Variants in MSN observed in about 807,000 individuals in gnomAD.
MSN encodes moesin.
In MSN, 2 loss-of-function variants were observed where a neutral mutation model predicts 48.0. The observed-to-expected ratio is 0.04, with a 90% CI of 0.02 to 0.13. The LOEUF is 0.13. MSN is among the 10% of genes least tolerant of loss of function. The pLI is 1.00. For missense variants in MSN, 267 were observed against 470.1 expected, an observed-to-expected ratio of 0.57 and a Z score of 3.99; for synonymous variants, 146 against 166.9, an observed-to-expected ratio of 0.87 and a Z score of 0.97.
At chrX:65,648,845 A>G (rs1050376835) in intron 1 of MSN, among the ~76,000 whole-genome samples, 2 of 110,825 alleles carry the variant, frequency 1.8e-5, no homozygotes, top group Non-Finnish European at 3.8e-5. Context: ...CCTGGGTGAC[A>G]GTGTGAGCCT....
In MSN at chrX:65,740,217, T is replaced by C; in HGVS notation, c.*324T>C. ...GCAAATGCCCTTACACTTACTGTTG[T>C]CCTATGGGAGTCAAGTGTGGAGTAG... is the stretch of plus-strand genomic sequence containing the variant. On this transcript the variant is annotated 3_prime_UTR_variant, in exon 13 of 13. Coordinates refer to ENST00000360270, the MANE Select transcript of MSN (RefSeq NM_002444.3). 1 of 225,203 alleles carries C rather than the reference T, an allele frequency of 4.4e-6. No individual in the cohort carries two copies. Among genetic ancestry groups the C allele is most frequent in the Non-Finnish European group, 8.1e-6 (1 of 123,143 alleles). The allele number at this position is 225,203 out of a possible 1,213,427, so 18.6% of individuals were successfully genotyped here.
intron 1 of MSN, among the ~76,000 whole-genome samples, chrX:65,622,164 G>T (rs1047391396): frequency 9.8e-6 from 1 of 101,990 alleles, no homozygotes; most frequent in South Asian, 4.5e-4. Flanking sequence ...GCTCCATCTC[G>T]ACTCACTGCA....
At chrX:65,668,510 C>T (rs1231353306) in intron 1 of MSN, among the ~76,000 whole-genome samples, 1 of 111,879 alleles carries the variant, frequency 8.9e-6, no homozygotes, top group Non-Finnish European at 1.9e-5. Context: ...CCCTCCTCTC[C>T]ACCTCCAAAT....
chrX:65,612,460 T>A (rs987777858), intron 1 of MSN, among the ~76,000 whole-genome samples: 3 of 111,771 alleles, frequency 2.7e-5, no homozygotes, highest in Non-Finnish European at 5.6e-5. Context: ...CTGTAGCAAT[T>A]CTCTATATAT....
intron 1 of MSN, among the ~76,000 whole-genome samples, chrX:65,647,798 ATAGG>A (rs2070706005): frequency 8.9e-6 from 1 of 112,164 alleles, no homozygotes; most frequent in South Asian, 3.6e-4. Context: ...GGCTAGAGAA[ATAGG>A]TAGGAGCCAT....
intron 1 of MSN, among the ~76,000 whole-genome samples, chrX:65,693,464 T>C (rs894030898): frequency 2.7e-5 from 3 of 111,975 alleles, no homozygotes; most frequent in African/African-American, 9.8e-5. Context: ...TAAATTTCCC[T>C]TTAGGGACTA....
intron 1 of MSN, among the ~76,000 whole-genome samples, chrX:65,672,468 C>T (rs1319931819): frequency 8.9e-6 from 1 of 111,756 alleles, no homozygotes; most frequent in Non-Finnish European, 1.9e-5. Flanking sequence ...ACTGGCTTTG[C>T]TGTCCATCCC....
chrX:65,651,693 T>G (rs1316543257), intron 1 of MSN, among the ~76,000 whole-genome samples: 1 of 107,434 alleles, frequency 9.3e-6, no homozygotes, highest in Non-Finnish European at 1.9e-5. Context: ...GTTCAAGCGA[T>G]TCTCCTGCTT....
intron 1 of MSN, among the ~76,000 whole-genome samples, chrX:65,600,118 G>T (rs1317108011): frequency 9.0e-6 from 1 of 110,948 alleles, no homozygotes; most frequent in East Asian, 2.8e-4. Flanking sequence ...TCTGAATTTG[G>T]ACCATTGTTG....
intron 1 of MSN, among the ~76,000 whole-genome samples, chrX:65,606,337 C>T (rs985573302): frequency 9.2e-6 from 1 of 108,604 alleles, no homozygotes; most frequent in African/African-American, 3.4e-5. Flanking sequence ...CCATCTTGGC[C>T]AGGCAGGTCT....
At chrX:65,597,219 C>CTTT (rs201889292) in intron 1 of MSN, among the ~76,000 whole-genome samples, 1 of 100,904 alleles carries the variant, frequency 9.9e-6, no homozygotes, top group African/African-American at 3.6e-5. Context: ...TTCTTTCTTT[C>CTTT]TTTTTTTTTT....
At chrX:65,638,964 C>T (rs2070627558) in intron 1 of MSN, among the ~76,000 whole-genome samples, 1 of 112,283 alleles carries the variant, frequency 8.9e-6, no homozygotes, top group South Asian at 3.7e-4. Flanking sequence ...CATCATGATA[C>T]TCACTGCAAG....
intron 1 of MSN, among the ~76,000 whole-genome samples, chrX:65,696,353 G>A (rs2071239476): frequency 9.0e-6 from 1 of 111,670 alleles, no homozygotes; most frequent in African/African-American, 3.3e-5. Context: ...AATGATGTGG[G>A]TTCTTTCTGA....
At chrX:65,736,496 G>T (rs190559842) in intron 8 of MSN, among the ~76,000 whole-genome samples, 1 of 105,651 alleles carries the variant, frequency 9.5e-6, no homozygotes, top group East Asian at 3.0e-4. Flanking sequence ...GTGCAGTGGC[G>T]CAATCTCAGC....
Position 65,710,420 on chromosome X carries a change from T to C in MSN, c.13-6398T>C, listed in dbSNP as rs182226233. Among the ~76,000 whole-genome samples, 3 of 111,631 alleles carry C rather than the reference T, an allele frequency of 2.7e-5. No homozygotes were observed. The East Asian group carries it at 8.4e-4, about 31-fold the overall frequency. ...TGAATTTATAGGAAGCTCCTTAACC[T>C]GGGGTCCTCAGACCTCTATGGGGTC... On this transcript the variant is annotated intron_variant, in intron 1 of 12. Transcript: ENST00000360270.
intron 1 of MSN, among the ~76,000 whole-genome samples, chrX:65,673,181 T>C (rs1282300056): frequency 8.9e-6 from 1 of 111,799 alleles, no homozygotes; most frequent in African/African-American, 3.3e-5. Flanking sequence ...GTGGGTTGAC[T>C]GAAAAGCTTT....
intron 1 of MSN, among the ~76,000 whole-genome samples, chrX:65,617,335 C>T (rs1171535382): frequency 2.7e-5 from 3 of 110,758 alleles, no homozygotes; most frequent in Admixed American, 1.9e-4. Flanking sequence ...CCATCTGGTC[C>T]TGGACTTTTT....
chrX:65,647,848 C>T (rs1226124395), intron 1 of MSN, among the ~76,000 whole-genome samples: 1 of 112,064 alleles, frequency 8.9e-6, no homozygotes, highest in Non-Finnish European at 1.9e-5. Flanking sequence ...GACAACGATT[C>T]TTTTCATCAT....
At chrX:65,618,858 T>C (rs2070403265) in intron 1 of MSN, among the ~76,000 whole-genome samples, 1 of 111,795 alleles carries the variant, frequency 8.9e-6, no homozygotes, top group Admixed American at 9.5e-5. Flanking sequence ...GTTGTTCCTT[T>C]CCATGTTTAG....
Sources: gnomAD v4.1 joint callset for allele counts (sites outside exome capture counted in the v4.1 genomes callset) on GRCh38, gnomAD v4.1.1 for gene constraint, MANE v1.5 for transcripts, NCBI Gene and HGNC (gene_info 2026-07-23, HGNC 2026-07-21) for gene names.